The following PDZRN4 variants were observed in gnomAD, a reference collection of about 807,000 sequenced individuals.
The protein encoded by PDZRN4 is PDZ domain containing ring finger 4.
In PDZRN4, 70 loss-of-function variants were observed where a neutral mutation model predicts 99.0. The observed-to-expected ratio is 0.71, with a 90% confidence interval of 0.58 to 0.86. PDZRN4 has a LOEUF of 0.86. PDZRN4 is among the 40% of genes least tolerant of loss of function. The pLI is 0.00. For missense variants in PDZRN4, 1,474 were observed against 1,331.2 expected (o/e 1.11, Z -1.67); for synonymous variants, 551 against 501.6 (o/e 1.10, Z -1.32).
At chr12:41,316,624 G>A (rs1401206830) in intron 3 of PDZRN4, among the ~76,000 whole-genome samples, 1 of 151,882 alleles carries the variant, frequency 6.6e-6, no homozygotes, top group Non-Finnish European at 1.5e-5. Flanking sequence ...GGCATCAATA[G>A]AAATGGTTGT....
chr12:41,387,215 C>A (rs1283474003), intron 3 of PDZRN4, among the ~76,000 whole-genome samples: 2 of 152,042 alleles, frequency 1.3e-5, no homozygotes, highest in Admixed American at 6.6e-5. Context: ...TCAAACTATT[C>A]CTCTAACAAA....
intron 3 of PDZRN4, among the ~76,000 whole-genome samples, chr12:41,345,788 G>A (rs1261094088): frequency 1.3e-5 from 2 of 151,992 alleles, no homozygotes; most frequent in East Asian, 3.9e-4. Context: ...TGAAATTCCA[G>A]TACAAATATT....
chr12:41,520,929 T>G (rs1247746032), intron 5 of PDZRN4, among the ~76,000 whole-genome samples: 1 of 152,100 alleles, frequency 6.6e-6, no homozygotes, highest in Non-Finnish European at 1.5e-5. Flanking sequence ...ATACAGCACT[T>G]CTAGACATCG....
intron 3 of PDZRN4, among the ~76,000 whole-genome samples, chr12:41,316,522 A>G (rs1476934215): frequency 6.6e-6 from 1 of 151,334 alleles, no homozygotes; most frequent in African/African-American, 2.4e-5. Context: ...AGCCCAGGAC[A>G]ATGAATTTCC....
chr12:41,548,593 T>C (rs1165486044), intron 5 of PDZRN4, among the ~76,000 whole-genome samples: 1 of 152,210 alleles, frequency 6.6e-6, no homozygotes, highest in African/African-American at 2.4e-5. Context: ...GCTGACTGCA[T>C]TTGAATTTTC....
chr12:41,307,087 T>C (rs1951576109), intron 3 of PDZRN4, among the ~76,000 whole-genome samples: 1 of 152,212 alleles, frequency 6.6e-6, no homozygotes, highest in Admixed American at 6.5e-5. Flanking sequence ...CCTGTATTCA[T>C]TACCTAGTTC....
intron 3 of PDZRN4, among the ~76,000 whole-genome samples, chr12:41,265,533 A>C (rs185936901): frequency 3.3e-5 from 5 of 152,298 alleles, no homozygotes; most frequent in African/African-American, 1.2e-4. Context: ...ATATTGCATC[A>C]AAAAAATTGA....
intron 3 of PDZRN4, among the ~76,000 whole-genome samples, chr12:41,330,274 T>A (rs1951734124): frequency 6.6e-6 from 1 of 152,062 alleles, no homozygotes; most frequent in Non-Finnish European, 1.5e-5. Context: ...ATCAAACTTC[T>A]CCAATAGAAG....
intron 3 of PDZRN4, among the ~76,000 whole-genome samples, chr12:41,320,160 A>C (rs528370730): frequency 1.3e-5 from 2 of 152,330 alleles, no homozygotes; most frequent in South Asian, 4.1e-4. Context: ...TTTCAGCACT[A>C]GGGCCTTGGC....
At chr12:41,557,752 G>T (rs1301146833) in intron 7 of PDZRN4, among the ~76,000 whole-genome samples, 2 of 151,904 alleles carry the variant, frequency 1.3e-5, no homozygotes, top group Admixed American at 6.6e-5. Flanking sequence ...GTGAATTAAT[G>T]ATCGTTTGGG....
chr12:41,572,223 A>G, intron 9 of PDZRN4, 141 bp from the exon 10 acceptor site: 1 of 661,694 alleles, frequency 1.5e-6, no homozygotes, highest in Non-Finnish European at 2.5e-6. Context: ...TATTTCTAAA[A>G]TTGTGATGGA....
At chr12:41,281,377 G>C (rs1281249960) in intron 3 of PDZRN4, among the ~76,000 whole-genome samples, 1 of 147,914 alleles carries the variant, frequency 6.8e-6, no homozygotes, top group Non-Finnish European at 1.5e-5. Context: ...TTGATGAATT[G>C]ACAGAAGTAG....
At chr12:41,204,881 T>C (rs1383020213) in intron 3 of PDZRN4, among the ~76,000 whole-genome samples, 1 of 151,932 alleles carries the variant, frequency 6.6e-6, no homozygotes. Flanking sequence ...TTTCTCTCAA[T>C]CAAATATGTC....
intron 5 of PDZRN4, among the ~76,000 whole-genome samples, chr12:41,546,539 G>A (rs1237087791): frequency 6.6e-6 from 1 of 152,166 alleles, no homozygotes; most frequent in Non-Finnish European, 1.5e-5. Flanking sequence ...AGAAGAACAT[G>A]TCAAACTATA....
chr12:41,354,121 G>A (rs10880057), intron 3 of PDZRN4, among the ~76,000 whole-genome samples: 58,599 of 151,858 alleles, frequency 0.39, 11,408 homozygotes, highest in African/African-American at 0.41. Context: ...TTGAGTAGAC[G>A]CAACAAATAT....
At chr12:41,232,053 AT>A (rs869218998) in intron 3 of PDZRN4, among the ~76,000 whole-genome samples, 5 of 151,412 alleles carry the variant, frequency 3.3e-5, no homozygotes, top group South Asian at 2.1e-4. Context: ...ATATAAAAAA[AT>A]TTTTTTTGAC....
rs566816158 is a variant in PDZRN4, at chr12:41,504,119, G to A, written c.844-2337G>A. Reference sequence around the variant, plus strand: ...CCCCGTCTCTACTAAAAATACAAAAGTTAGCCTGGCATGGTGGCATGCGCC... The same window carrying A: ...CCCCGTCTCTACTAAAAATACAAAAATTAGCCTGGCATGGTGGCATGCGCC... On this transcript the variant is annotated intron_variant, in intron 3 of 9. Transcript: ENST00000402685. Among the ~76,000 whole-genome samples, 548 of 151,886 alleles carry A rather than the reference G, an allele frequency of 3.6e-3. 2 individuals are homozygous for A. Among genetic ancestry groups the A allele is most frequent in the African/African-American group, 0.012 (516 of 41,456 alleles).
chr12:41,469,080 T>C (rs1952961066), intron 3 of PDZRN4, among the ~76,000 whole-genome samples: 1 of 152,180 alleles, frequency 6.6e-6, no homozygotes, highest in Non-Finnish European at 1.5e-5. Context: ...CTCAGGAGGT[T>C]ACTGTGTGGT....
intron 3 of PDZRN4, among the ~76,000 whole-genome samples, chr12:41,381,958 C>A (rs1229197447): frequency 1.3e-5 from 2 of 152,134 alleles, no homozygotes; most frequent in Non-Finnish European, 1.5e-5. Flanking sequence ...GTCAAGATCT[C>A]TTATTTGGTA....
Sources: gnomAD v4.1 joint callset for allele counts (sites outside exome capture counted in the v4.1 genomes callset) on GRCh38, gnomAD v4.1.1 for gene constraint, MANE v1.5 for transcripts, NCBI Gene and HGNC (gene_info 2026-07-23, HGNC 2026-07-21) for gene names.